RYR2: variants seen among roughly 807,000 people sequenced by gnomAD.
The protein encoded by RYR2 is ryanodine receptor 2, also known as cardiac muscle ryanodine receptor-calcium release channel.
Under a neutral mutation model 601.1 loss-of-function variants are expected in RYR2, and 227 were observed. The observed-to-expected ratio is 0.38, with a 90% CI of 0.34 to 0.42. The LOEUF is 0.42. Among genes scored for constraint, RYR2 ranks in the 10% least tolerant of loss-of-function variants. The pLI is 1.00. For missense variants in RYR2, 4,646 were observed against 6,156.5 expected, an observed-to-expected ratio of 0.75 and a Z score of 8.21; for synonymous variants, 2,223 against 2,175.1, an observed-to-expected ratio of 1.02 and a Z score of -0.61.
intron 63 of RYR2, among the ~76,000 whole-genome samples, chr1:237,688,262 C>T (rs1686618738): frequency 6.6e-6 from 1 of 152,096 alleles, no homozygotes; most frequent in African/African-American, 2.4e-5. Flanking sequence ...GGTTTTGAGA[C>T]AGTGTTGGAG....
intron 1 of RYR2, among the ~76,000 whole-genome samples, chr1:237,187,735 G>A (rs1345505776): frequency 6.6e-6 from 1 of 152,086 alleles, no homozygotes; most frequent in African/African-American, 2.4e-5. Context: ...ATGAGCCACT[G>A]AGCCTGGCCC....
chr1:237,698,026 TA>T (rs1396656818), intron 63 of RYR2, among the ~76,000 whole-genome samples: 1 of 152,058 alleles, frequency 6.6e-6, no homozygotes, highest in Non-Finnish European at 1.5e-5. Context: ...ACTTTTTGTA[TA>T]AAGAATATAA....
chr1:237,736,354 A>G (rs1215519804), intron 79 of RYR2, among the ~76,000 whole-genome samples: 1 of 151,664 alleles, frequency 6.6e-6, no homozygotes, highest in African/African-American at 2.4e-5. Flanking sequence ...CCAGCTCCTC[A>G]GGAGGCTGAG....
intron 38 of RYR2, among the ~76,000 whole-genome samples, chr1:237,623,060 T>G (rs1367545183): frequency 6.6e-6 from 1 of 152,250 alleles, no homozygotes; most frequent in Non-Finnish European, 1.5e-5. Context: ...GAATGTTCAA[T>G]AGAGATGTTA....
intron 29 of RYR2, among the ~76,000 whole-genome samples, chr1:237,581,083 G>A (rs1327232496): frequency 1.3e-5 from 2 of 152,192 alleles, no homozygotes; most frequent in Non-Finnish European, 2.9e-5. Flanking sequence ...TACGGGAACA[G>A]CCTTATATTA....
chr1:237,216,369 T>C (rs597924), intron 1 of RYR2, among the ~76,000 whole-genome samples: 152,240 of 152,338 alleles, frequency 1, 76,071 homozygotes, highest in Middle Eastern at 1. Flanking sequence ...TAGGCTATCA[T>C]GAATTTTATT....
At chr1:237,314,466 A>T (rs982270582) in intron 2 of RYR2, among the ~76,000 whole-genome samples, 1 of 152,194 alleles carries the variant, frequency 6.6e-6, no homozygotes, top group African/African-American at 2.4e-5. Flanking sequence ...TTTATAGCTA[A>T]AGGTTTAAAA....
chr1:237,723,193 T>C lies in RYR2; in HGVS notation c.10620T>C (p.Asp3540=), dbSNP rs2149125659. 6.2e-7 allele frequency: 1 copy of C among 1,610,674 alleles called. No individual in the cohort carries two copies. The highest frequency in any genetic ancestry group is 1.7e-5 in the Admixed American group (1 of 60,010). The part of the protein sequence containing the change: ...LYKDLPNRTD[D]TSDPEKTVER... ...AAGACTTACCAAACAGGACTGATGA[T>C]ACCTCAGATCCAGAGAAGACGGTAG... Residue 3540 remains aspartate (D), a synonymous_variant, in exon 74 of 105, where the codon GAT becomes GAC. Coordinates refer to ENST00000366574, the MANE Select transcript of RYR2 (RefSeq NM_001035.3).
At chr1:237,279,795 T>C (rs919277634) in intron 2 of RYR2, among the ~76,000 whole-genome samples, 2 of 152,190 alleles carry the variant, frequency 1.3e-5, no homozygotes, top group African/African-American at 4.8e-5. Context: ...CTTATTTAAT[T>C]ATCTCACTGC....
intron 47 of RYR2, among the ~76,000 whole-genome samples, chr1:237,641,461 GTGTC>G (rs201068110): frequency 0.026 from 2,150 of 82,322 alleles, 120 homozygotes; most frequent in African/African-American, 0.07. Context: ...ATATAAATTA[GTGTC>G]TGTCTGTCTT....
chr1:237,686,602 G>A (rs1050122532), intron 62 of RYR2, among the ~76,000 whole-genome samples: 1 of 152,172 alleles, frequency 6.6e-6, no homozygotes, highest in African/African-American at 2.4e-5. Context: ...ATCCCACCCA[G>A]CTGAGGCTTG....
At chr1:237,795,747 G>A (rs1044341817) in intron 96 of RYR2, among the ~76,000 whole-genome samples, 10 of 151,284 alleles carry the variant, frequency 6.6e-5, no homozygotes, top group Non-Finnish European at 7.4e-5. Flanking sequence ...CACCACATCC[G>A]GCCAAATATG....
intron 12 of RYR2, among the ~76,000 whole-genome samples, chr1:237,424,825 T>C (rs544539414): frequency 6.6e-6 from 1 of 152,306 alleles, no homozygotes; most frequent in African/African-American, 2.4e-5. Context: ...TAAACATAAA[T>C]ATTTATTGAA....
chr1:237,583,147 G>A (rs1355442713), intron 29 of RYR2, among the ~76,000 whole-genome samples: 2 of 151,974 alleles, frequency 1.3e-5, no homozygotes, highest in African/African-American at 4.8e-5. Flanking sequence ...GTAGCTCTTT[G>A]TGGTTTTGAT....
chr1:237,264,336 C>T (rs1353067064), intron 1 of RYR2, among the ~76,000 whole-genome samples: 2 of 152,178 alleles, frequency 1.3e-5, no homozygotes, highest in African/African-American at 2.4e-5. Flanking sequence ...CTAGGCATCC[C>T]TGAATGCCTT....
At chr1:237,729,345 C>A (rs10925500) in intron 76 of RYR2, among the ~76,000 whole-genome samples, 31,128 of 152,092 alleles carry the variant, frequency 0.2, 3,693 homozygotes, top group Middle Eastern at 0.3. Context: ...ACACAGGTGA[C>A]TCTGATGAAC....
chr1:237,243,639 A>AT (rs1686455183), intron 1 of RYR2, among the ~76,000 whole-genome samples: 1 of 152,062 alleles, frequency 6.6e-6, no homozygotes, highest in Non-Finnish European at 1.5e-5. Context: ...GTGGGACCCT[A>AT]TCTGGGGAGG....
At chr1:237,315,737 G>A (rs80258915) in intron 2 of RYR2, among the ~76,000 whole-genome samples, 1 of 152,272 alleles carries the variant, frequency 6.6e-6, no homozygotes, top group Non-Finnish European at 1.5e-5. Context: ...TTTCATGGAT[G>A]AGTCCATATC....
intron 25 of RYR2, among the ~76,000 whole-genome samples, chr1:237,546,989 A>T (rs865809443): frequency 0.014 from 1,846 of 132,918 alleles, 42 homozygotes; most frequent in South Asian, 0.045. Context: ...ATATATATAT[A>T]TATATATTTA....
Sources: allele counts gnomAD v4.1 joint callset (sites outside exome capture counted in the v4.1 genomes callset), GRCh38; gene constraint gnomAD v4.1.1; transcripts MANE v1.5; gene names NCBI Gene and HGNC (gene_info 2026-07-23, HGNC 2026-07-21).